CATSPER3: variants seen among roughly 807,000 people sequenced by gnomAD.
CATSPER3 encodes cation channel sperm-associated protein 3.
CATSPER3 carries 23 observed loss-of-function variants against 36.6 expected under a neutral mutation model. That is an observed-to-expected ratio of 0.63 (90% CI 0.45 to 0.89). CATSPER3 has a LOEUF of 0.89. CATSPER3 is among the 40% of genes least tolerant of loss of function. The probability of loss-of-function intolerance (pLI) is 0.00; values close to 1 mark genes in which losing one functional copy is unlikely to be tolerated. For synonymous variants in CATSPER3, 172 were observed against 184.1 expected, an observed-to-expected ratio of 0.93 and a Z score of 0.53; for missense variants, 474 against 503.9, an observed-to-expected ratio of 0.94 and a Z score of 0.57.
At chr5:135,000,223 A>G (rs7702847) in intron 3 of CATSPER3, among the ~76,000 whole-genome samples, 18,066 of 151,934 alleles carry the variant, frequency 0.12, 3,446 homozygotes, top group African/African-American at 0.41. Flanking sequence ...ATTGATTTGC[A>G]TATGTTGCGT....
In CATSPER3 at chr5:134,970,053, C is replaced by T. The variant is rs373823349; in HGVS notation, c.213C>T (p.Thr71=). 3 of 1,613,898 alleles carry T rather than the reference C, an allele frequency of 1.9e-6. No individual in the cohort carries two copies. In the African/African-American group the frequency reaches 4.0e-5, roughly 22 times the overall value. ...TSNAFFMALW[T]SYDIRYRLFR... ...ATGCGTTTTTTATGGCCTTGTGGAC[C>T]AGTTATGACATAAGGTACCGCTTGT... Residue 71 remains threonine, a synonymous_variant, in exon 2 of 8, where the codon ACC becomes ACT. Transcript: ENST00000282611.
At chr5:134,969,894 G>C (rs755443631) in intron 1 of CATSPER3, 45 bp from the exon 2 acceptor site, 1 of 1,606,266 alleles carries the variant, frequency 6.2e-7, no homozygotes, top group African/African-American at 1.3e-5. Context: ...TGGGGATCTA[G>C]CTCTATTGTG....
chr5:135,004,988 G>T (rs1190021916), intron 3 of CATSPER3, among the ~76,000 whole-genome samples: 1 of 152,100 alleles, frequency 6.6e-6, no homozygotes, highest in Non-Finnish European at 1.5e-5. Flanking sequence ...GGGTGCCAGA[G>T]ACCAGTGGGA....
At position 134,996,522 on chromosome 5, in the gene CATSPER3, CT is replaced by C; in HGVS notation, c.492+11del. ...TAGCCAGGGCATCCGGGTGAGTGCA[CT>C]GGGGGTGTCATGGTGCTGGGAGGGC... On this transcript the variant is annotated intron_variant, in intron 3 of 7. Coordinates refer to ENST00000282611, the MANE Select transcript of CATSPER3 (RefSeq NM_178019.3). 1 of 1,613,552 alleles carries C rather than the reference CT, an allele frequency of 6.2e-7. No homozygotes were observed.
intron 2 of CATSPER3, chr5:134,975,402 A>T (rs992076668): frequency 7.9e-5 from 12 of 152,814 alleles, no homozygotes; most frequent in Admixed American, 1.3e-4. Flanking sequence ...AAACAAAAAA[A>T]ACCCAGGCAA....
intron 7 of CATSPER3, 78 bp from the exon 8 acceptor site, chr5:135,011,443 C>A (rs900239176): frequency 1.0e-5 from 10 of 975,510 alleles, no homozygotes; most frequent in Non-Finnish European, 1.6e-5. Context: ...CAGGTGCAAA[C>A]GTGTGGTCAG....
chr5:134,992,349 A>G (rs752165503), intron 2 of CATSPER3, among the ~76,000 whole-genome samples: 5 of 152,228 alleles, frequency 3.3e-5, no homozygotes, highest in Non-Finnish European at 5.9e-5. Flanking sequence ...GATGTTTGAC[A>G]TCACTAGTCG....
chr5:135,007,159 T>G (rs1310401157), intron 3 of CATSPER3, among the ~76,000 whole-genome samples: 1 of 152,184 alleles, frequency 6.6e-6, no homozygotes, highest in Non-Finnish European at 1.5e-5. Context: ...GGGCAAAGGC[T>G]TTGAGAGTTG....
Position 135,001,179 on chromosome 5 carries a change from T to G in CATSPER3, c.492+4667T>G, listed in dbSNP as rs138949919. Among the ~76,000 whole-genome samples, 1,309 of 152,328 alleles carry G rather than the reference T, an allele frequency of 8.6e-3. 60 individuals carry two copies. The East Asian group carries it at 0.12, about 14-fold the overall frequency. On this transcript the variant is annotated intron_variant, in intron 3 of 7. Coordinates refer to ENST00000282611, the MANE Select transcript of CATSPER3 (RefSeq NM_178019.3). The stretch of plus-strand genomic sequence containing the variant: ...CTTTATTTCTGCATTCATTTCGTTA[T>G]GTAGTCATTCAGGAGCAGGTTATGT...
At chr5:135,004,967 C>T (rs1190444909) in intron 3 of CATSPER3, among the ~76,000 whole-genome samples, 1 of 152,000 alleles carries the variant, frequency 6.6e-6, no homozygotes, top group African/African-American at 2.4e-5. Context: ...GAGAGAGGAA[C>T]TGTGGAATGA....
intron 2 of CATSPER3, among the ~76,000 whole-genome samples, chr5:134,985,774 C>A (rs1751800516): frequency 6.6e-6 from 1 of 151,412 alleles, no homozygotes; most frequent in Non-Finnish European, 1.5e-5. Context: ...TGATGTATGC[C>A]TGTAGTCCTA....
chr5:134,972,769 T>A (rs1751622129), intron 2 of CATSPER3, among the ~76,000 whole-genome samples: 1 of 152,182 alleles, frequency 6.6e-6, no homozygotes, highest in South Asian at 2.1e-4. Flanking sequence ...ACAAAAGATT[T>A]GGAACTATAC....
At chr5:134,984,884 A>T (rs1751791046) in intron 2 of CATSPER3, among the ~76,000 whole-genome samples, 1 of 151,248 alleles carries the variant, frequency 6.6e-6, no homozygotes, top group Admixed American at 6.6e-5. Context: ...GAGAGGCACG[A>T]TCTCAGCTCC....
At chr5:135,008,758 C>T in intron 4 of CATSPER3, 83 bp from the exon 5 acceptor site, 1 of 1,244,076 alleles carries the variant, frequency 8.0e-7, no homozygotes, top group South Asian at 1.2e-5. Context: ...CCTCAGTGGG[C>T]CTGGGACTCC....
At chr5:134,970,443 G>C (rs940030232) in intron 2 of CATSPER3, among the ~76,000 whole-genome samples, 1 of 152,116 alleles carries the variant, frequency 6.6e-6, no homozygotes, top group African/African-American at 2.4e-5. Context: ...ACAGGCGTTA[G>C]CCACCATGCC....
chr5:135,005,909 A>G (rs1752080276), intron 3 of CATSPER3, among the ~76,000 whole-genome samples: 1 of 152,210 alleles, frequency 6.6e-6, no homozygotes, highest in Non-Finnish European at 1.5e-5. Flanking sequence ...GGTCCCTCCA[A>G]GCACTGGGCC....
At chr5:134,991,928 G>A (rs1162620031) in intron 2 of CATSPER3, among the ~76,000 whole-genome samples, 1 of 152,050 alleles carries the variant, frequency 6.6e-6, no homozygotes, top group Non-Finnish European at 1.5e-5. Context: ...CCCAGTTTGA[G>A]TTTGGACCAA....
chr5:135,009,029 TGGAGC>T, intron 5 of CATSPER3, 48 bp downstream of exon 5: 5 of 1,613,272 alleles, frequency 3.1e-6, no homozygotes, highest in Non-Finnish European at 4.2e-6. Context: ...GTGTGGCAGA[TGGAGC>T]TGTAGGGCAA....
At chr5:134,996,610 A>G in intron 3 of CATSPER3, 98 bp downstream of exon 3, 2 of 1,219,850 alleles carry the variant, frequency 1.6e-6, no homozygotes, top group African/African-American at 3.0e-5. Flanking sequence ...ACCATCTTCC[A>G]GTTGTTGAGT....
Sources: allele counts gnomAD v4.1 joint callset (sites outside exome capture counted in the v4.1 genomes callset), GRCh38; gene constraint gnomAD v4.1.1; transcripts MANE v1.5; gene names NCBI Gene and HGNC (gene_info 2026-07-23, HGNC 2026-07-21).